FSHR: variants seen among roughly 807,000 people sequenced by gnomAD.
FSHR encodes follicle stimulating hormone receptor.
In FSHR, 46 loss-of-function variants were observed where a neutral mutation model predicts 52.1. That is an observed-to-expected ratio of 0.88 (90% CI 0.70 to 1.13). FSHR has a LOEUF of 1.13. Ranked by LOEUF, FSHR falls within the 50% of genes most tolerant of loss-of-function variation. The pLI, the probability that FSHR is intolerant of heterozygous loss-of-function variation, is 0.00. For missense variants in FSHR, 964 were observed against 834.6 expected (o/e 1.16, Z -1.91); for synonymous variants, 399 against 309.6 (o/e 1.29, Z -3.03).
At chr2:49,101,475 C>T (rs1003734571) in intron 1 of FSHR, among the ~76,000 whole-genome samples, 5 of 151,958 alleles carry the variant, frequency 3.3e-5, no homozygotes, top group African/African-American at 9.7e-5. Flanking sequence ...ACGATTATAG[C>T]TAATTCTAAT....
chr2:49,040,024 T>A (rs1668425773), intron 2 of FSHR, among the ~76,000 whole-genome samples: 1 of 152,162 alleles, frequency 6.6e-6, no homozygotes, highest in Non-Finnish European at 1.5e-5. Flanking sequence ...CAAAAGCATT[T>A]CCAAAAGAGG....
chr2:49,149,760 A>G (rs1672996929), intron 1 of FSHR, among the ~76,000 whole-genome samples: 1 of 152,072 alleles, frequency 6.6e-6, no homozygotes, highest in Admixed American at 6.6e-5. Flanking sequence ...ATGAAAAAAT[A>G]AGGAATGTAA....
chr2:49,027,345 T>C (rs1667942721), intron 2 of FSHR, among the ~76,000 whole-genome samples: 1 of 152,196 alleles, frequency 6.6e-6, no homozygotes, highest in Admixed American at 6.5e-5. Flanking sequence ...GTACCAATTA[T>C]TTACTTAATA....
At chr2:48,995,841 G>A (rs903119289) in intron 4 of FSHR, among the ~76,000 whole-genome samples, 1 of 151,732 alleles carries the variant, frequency 6.6e-6, no homozygotes, top group African/African-American at 2.4e-5. Context: ...TGTCAACAAG[G>A]AAAACATTTT....
intron 1 of FSHR, among the ~76,000 whole-genome samples, chr2:49,113,125 G>A (rs1671483199): frequency 6.6e-6 from 1 of 152,162 alleles, no homozygotes; most frequent in South Asian, 2.1e-4. Context: ...AATGTGGTAA[G>A]GGTACTCTTC....
rs146322449 is a variant in FSHR, at chr2:48,996,729, A to T, written c.375-6092T>A. On this transcript the variant is annotated intron_variant, in intron 4 of 9. Transcript: ENST00000406846. The stretch of plus-strand genomic sequence containing the variant: ...GCAGAGTCATTCAACCTCAGTTGGG[A>T]ACCCATGTCAAGACACTCAAATTTT... 3.2e-3 allele frequency among the ~76,000 whole-genome samples: 480 copies of T among 152,208 alleles called. 5 individuals carry two copies. The highest frequency in any genetic ancestry group is 0.011 in the African/African-American group (462 of 41,544).
intron 1 of FSHR, among the ~76,000 whole-genome samples, chr2:49,113,721 G>A (rs897163212): frequency 6.6e-6 from 1 of 152,094 alleles, no homozygotes; most frequent in African/African-American, 2.4e-5. Context: ...TTTTGACAGT[G>A]ACTTTTGTAG....
intron 2 of FSHR, among the ~76,000 whole-genome samples, chr2:49,062,646 T>C (rs1000264667): frequency 4.0e-4 from 60 of 151,840 alleles, no homozygotes; most frequent in African/African-American, 1.4e-3. Context: ...TGGGAGAAAA[T>C]ATTTGGAAAC....
At chr2:49,143,476 T>C (rs974433529) in intron 1 of FSHR, among the ~76,000 whole-genome samples, 3 of 152,064 alleles carry the variant, frequency 2.0e-5, no homozygotes, top group African/African-American at 7.2e-5. Context: ...CAAGAAGAAT[T>C]TTCAGCTCAG....
chr2:49,045,108 C>A (rs960572515), intron 2 of FSHR, among the ~76,000 whole-genome samples: 1 of 152,164 alleles, frequency 6.6e-6, no homozygotes, highest in African/African-American at 2.4e-5. Context: ...TCCCCATAAT[C>A]TATCATTTGG....
At position 49,034,316 on chromosome 2, in the gene FSHR, C is replaced by T. The variant is rs115939381; in HGVS notation, c.225-14156G>A. 4.7e-3 allele frequency among the ~76,000 whole-genome samples: 719 copies of T among 152,264 alleles called. 5 individuals carry two copies. Among genetic ancestry groups the T allele is most frequent in the African/African-American group, 0.017 (687 of 41,544 alleles). On this transcript the variant is annotated intron_variant, in intron 2 of 9. Coordinates refer to ENST00000406846, the MANE Select transcript of FSHR (RefSeq NM_000145.4). The stretch of plus-strand genomic sequence containing the variant: ...CTTGGATTTTCAGAGTATTGCCTGA[C>T]CCCCCTTCCGAGGTCCCAAGGAGTT...
At chr2:49,113,490 A>G (rs1035688203) in intron 1 of FSHR, among the ~76,000 whole-genome samples, 4 of 152,232 alleles carry the variant, frequency 2.6e-5, no homozygotes, top group African/African-American at 9.6e-5. Flanking sequence ...TTGCACAGTC[A>G]AGAAGAGAGC....
intron 1 of FSHR, among the ~76,000 whole-genome samples, chr2:49,082,342 C>T (rs989799134): frequency 6.6e-6 from 1 of 152,172 alleles, no homozygotes; most frequent in Admixed American, 6.5e-5. Context: ...AAAAACCCAT[C>T]TGTACATCAC....
At chr2:48,980,497 A>G (rs564399655) in intron 8 of FSHR, among the ~76,000 whole-genome samples, 2 of 152,292 alleles carry the variant, frequency 1.3e-5, no homozygotes, top group East Asian at 3.9e-4. Flanking sequence ...TATGAGATAC[A>G]TTGTGCAGTA....
At chr2:49,109,482 A>G (rs529501657) in intron 1 of FSHR, among the ~76,000 whole-genome samples, 1 of 152,270 alleles carries the variant, frequency 6.6e-6, no homozygotes, top group South Asian at 2.1e-4. Context: ...GTAGTGGGCA[A>G]AGTTGAATGG....
chr2:49,053,710 C>CT (rs1668953537), intron 2 of FSHR, among the ~76,000 whole-genome samples: 1 of 152,090 alleles, frequency 6.6e-6, no homozygotes, highest in African/African-American at 2.4e-5. Context: ...AAAAACAGTC[C>CT]TTTCCCTGTT....
intron 1 of FSHR, among the ~76,000 whole-genome samples, chr2:49,110,251 A>G (rs367748700): frequency 3.2e-4 from 48 of 152,282 alleles, no homozygotes; most frequent in African/African-American, 1.1e-3. Flanking sequence ...AGTAGGAACA[A>G]TCTCCATCCA....
chr2:48,993,060 T>G (rs1464381477), intron 4 of FSHR, among the ~76,000 whole-genome samples: 1 of 152,158 alleles, frequency 6.6e-6, no homozygotes, highest in Non-Finnish European at 1.5e-5. Flanking sequence ...CCTTCTCCTG[T>G]TACTCCTTTT....
rs1673174752 is a variant in FSHR, at chr2:49,154,465, A to G, written c.-48T>C. ...TTTCTTCCTGCATTTGCAGAGAAAA[A>G]CCTCCACAGATCTCAGAAGCTCCAC... On this transcript the variant is annotated 5_prime_UTR_variant, in exon 1 of 10. Coordinates refer to ENST00000406846, the MANE Select transcript of FSHR (RefSeq NM_000145.4). 2 of 1,596,820 alleles carry G rather than the reference A, an allele frequency of 1.3e-6. No homozygotes were observed. The highest frequency in any genetic ancestry group is 2.7e-5 in the African/African-American group (2 of 74,386).
Sources: gnomAD v4.1 joint callset for allele counts (sites outside exome capture counted in the v4.1 genomes callset) on GRCh38, gnomAD v4.1.1 for gene constraint, MANE v1.5 for transcripts, NCBI Gene and HGNC (gene_info 2026-07-23, HGNC 2026-07-21) for gene names.